Variants in ATRNL1 observed in about 807,000 individuals in gnomAD.
ATRNL1 encodes the protein attractin-like protein 1.
ATRNL1 carries 95 observed loss-of-function variants against 182.7 expected under a neutral mutation model. The observed-to-expected ratio is 0.52, with a 90% CI of 0.44 to 0.62. The LOEUF is 0.62. ATRNL1 is among the 20% of genes least tolerant of loss of function. The pLI is 0.00. For missense variants in ATRNL1, 1,471 were observed against 1,679.5 expected (o/e 0.88, Z 2.17); for synonymous variants, 576 against 568.3 (o/e 1.01, Z -0.19).
At chr10:115,748,937 T>G (rs1555069927) in intron 27 of ATRNL1, among the ~76,000 whole-genome samples, 1 of 151,948 alleles carries the variant, frequency 6.6e-6, no homozygotes, top group African/African-American at 2.4e-5. Context: ...AATAATATAT[T>G]TATAATGATT....
intron 18 of ATRNL1, among the ~76,000 whole-genome samples, chr10:115,331,913 C>G (rs1554935211): frequency 1.3e-5 from 2 of 152,138 alleles, no homozygotes; most frequent in African/African-American, 4.8e-5. Context: ...GGATTGTAGA[C>G]CATCCATCTG....
intron 19 of ATRNL1, among the ~76,000 whole-genome samples, chr10:115,341,475 T>G (rs934539053): frequency 6.6e-6 from 1 of 152,208 alleles, no homozygotes; most frequent in Admixed American, 6.5e-5. Flanking sequence ...AAATAATGTG[T>G]ATTCTGCAGC....
At chr10:115,309,984 G>A (rs1042613969) in intron 17 of ATRNL1, among the ~76,000 whole-genome samples, 1 of 151,878 alleles carries the variant, frequency 6.6e-6, no homozygotes, top group East Asian at 1.9e-4. Context: ...GTTTGCTGTG[G>A]GTTTGTCATA....
At chr10:115,645,615 G>A (rs577736246) in intron 26 of ATRNL1, among the ~76,000 whole-genome samples, 25 of 151,764 alleles carry the variant, frequency 1.6e-4, no homozygotes, top group African/African-American at 5.6e-4. Flanking sequence ...TGAACTCTTG[G>A]CACACCATTT....
At chr10:115,440,698 G>C (rs900968319) in intron 21 of ATRNL1, among the ~76,000 whole-genome samples, 5 of 151,592 alleles carry the variant, frequency 3.3e-5, no homozygotes, top group Non-Finnish European at 7.4e-5. Flanking sequence ...ATCTACTTGT[G>C]TAGCAAAATC....
chr10:115,691,902 C>G (rs968979292), intron 26 of ATRNL1, among the ~76,000 whole-genome samples: 1 of 151,968 alleles, frequency 6.6e-6, no homozygotes, highest in African/African-American at 2.4e-5. Context: ...AATATTTTCT[C>G]CAAAGCTATG....
At chr10:115,170,926 A>G (rs1847263753) in intron 7 of ATRNL1, 111 bp from the exon 8 acceptor site, 3 of 558,230 alleles carry the variant, frequency 5.4e-6, no homozygotes, top group Non-Finnish European at 8.3e-6. Context: ...TGCCTTATGC[A>G]TGTTGTGAAC....
intron 26 of ATRNL1, among the ~76,000 whole-genome samples, chr10:115,598,403 G>T (rs12259094): frequency 2.2e-4 from 30 of 135,238 alleles, no homozygotes; most frequent in Non-Finnish European, 3.6e-4. Context: ...TCGTTCTGTC[G>T]CCCTGGCTGG....
chr10:115,448,028 C>A (rs1847094192), intron 21 of ATRNL1, among the ~76,000 whole-genome samples: 1 of 151,880 alleles, frequency 6.6e-6, no homozygotes, highest in South Asian at 2.1e-4. Flanking sequence ...ATTTAAGTTT[C>A]TCTTCTTTGA....
intron 9 of ATRNL1, among the ~76,000 whole-genome samples, chr10:115,220,688 G>T (rs1849419317): frequency 7.5e-6 from 1 of 132,638 alleles, no homozygotes; most frequent in Non-Finnish European, 1.6e-5. Flanking sequence ...GTGCAGTGTG[G>T]GAAAGAGGTG....
intron 28 of ATRNL1, among the ~76,000 whole-genome samples, chr10:115,859,517 C>T (rs1951263360): frequency 6.6e-6 from 1 of 152,118 alleles, no homozygotes; most frequent in African/African-American, 2.4e-5. Flanking sequence ...TCCCTAGATC[C>T]AGAAAGGAAA....
intron 20 of ATRNL1, among the ~76,000 whole-genome samples, chr10:115,405,303 T>C (rs1844764551): frequency 6.6e-6 from 1 of 152,204 alleles, no homozygotes; most frequent in African/African-American, 2.4e-5. Context: ...TATCAAAATA[T>C]GGACTCTCAT....
chr10:115,533,655 GTGTT>G (rs1851758248), intron 25 of ATRNL1, among the ~76,000 whole-genome samples: 1 of 151,880 alleles, frequency 6.6e-6, no homozygotes, highest in Non-Finnish European at 1.5e-5. Flanking sequence ...GGTTTTGAAT[GTGTT>G]TGCTCTTGCT....
At chr10:115,291,059 T>A (rs570339747) in intron 15 of ATRNL1, among the ~76,000 whole-genome samples, 31 of 152,284 alleles carry the variant, frequency 2.0e-4, no homozygotes, top group Non-Finnish European at 3.7e-4. Flanking sequence ...CGGTGTAAGC[T>A]TCCAGCTTTC....
chr10:115,533,823 C>A (rs1261288471), intron 25 of ATRNL1, among the ~76,000 whole-genome samples: 14 of 151,070 alleles, frequency 9.3e-5, no homozygotes, highest in Admixed American at 9.2e-4. Flanking sequence ...TCGTTGGTTT[C>A]AAAAAACATC....
At chr10:115,298,413 T>C (rs1433279548) in intron 15 of ATRNL1, among the ~76,000 whole-genome samples, 1 of 152,198 alleles carries the variant, frequency 6.6e-6, no homozygotes, top group African/African-American at 2.4e-5. Context: ...TCCATTTTTC[T>C]GTTTTCCTCC....
intron 24 of ATRNL1, among the ~76,000 whole-genome samples, chr10:115,486,831 G>A (rs763693534): frequency 1.2e-4 from 18 of 152,198 alleles, no homozygotes; most frequent in Middle Eastern, 3.4e-3. Context: ...GTCCTGAATG[G>A]TATTGCCCAG....
intron 10 of ATRNL1, among the ~76,000 whole-genome samples, chr10:115,251,848 G>A (rs116302875): frequency 1.9e-3 from 295 of 152,196 alleles, no homozygotes; most frequent in African/African-American, 6.7e-3. Context: ...ACCTCTTGTG[G>A]CATCCTTGTC....
At chr10:115,611,919 G>A (rs932494029) in intron 26 of ATRNL1, among the ~76,000 whole-genome samples, 8 of 152,032 alleles carry the variant, frequency 5.3e-5, no homozygotes, top group African/African-American at 1.7e-4. Context: ...GTCATTACAA[G>A]GCCAAAAATT....
Sources: allele counts gnomAD v4.1 joint callset (sites outside exome capture counted in the v4.1 genomes callset), GRCh38; gene constraint gnomAD v4.1.1; transcripts MANE v1.5; gene names NCBI Gene and HGNC (gene_info 2026-07-23, HGNC 2026-07-21).